PCDHA1: variants seen among roughly 807,000 people sequenced by gnomAD.
The protein encoded by PCDHA1 is protocadherin alpha 1, also known as protocadherin alpha-1.
Under a neutral mutation model 61.3 loss-of-function variants are expected in PCDHA1, and 42 were observed. The ratio of observed to expected loss-of-function variants is 0.69; its 90% confidence interval spans 0.54 to 0.89. The LOEUF (loss-of-function observed/expected upper bound fraction) is 0.89. Among genes scored for constraint, PCDHA1 ranks in the 40% least tolerant of loss-of-function variants. The pLI is 0.00. For synonymous variants in PCDHA1, 610 were observed against 553.8 expected (o/e 1.10, Z -1.43); for missense variants, 1,256 against 1,235.3 (o/e 1.02, Z -0.25).
In PCDHA1 at chr5:140,868,769, A is replaced by G. The variant is rs144958028; in HGVS notation, c.2394+80085A>G. 95 of 255,700 alleles carry G rather than the reference A, an allele frequency of 3.7e-4. No individual in the cohort carries two copies. In the Middle Eastern group the frequency reaches 9.0e-3, roughly 24 times the overall value. 15.8% of individuals were successfully genotyped at this position (255,700 alleles called of 1,614,324 possible). On this transcript the variant is annotated intron_variant, in intron 1 of 3. Coordinates refer to ENST00000504120, the MANE Select transcript of PCDHA1 (RefSeq NM_018900.4). ...CCATTTCCATATATATTTAGTTTCA[A>G]TATGACTTATAATCTGAATATTCCA... is the stretch of plus-strand genomic sequence containing the variant.
intron 1 of PCDHA1, chr5:140,877,232 C>A: frequency 6.2e-6 from 10 of 1,613,680 alleles, no homozygotes; most frequent in Non-Finnish European, 7.6e-6. Context: ...TCGGTGGGTG[C>A]GGGCCACGTG....
chr5:140,792,099 GT>G (rs1228101869), intron 1 of PCDHA1, among the ~76,000 whole-genome samples: 1 of 152,100 alleles, frequency 6.6e-6, no homozygotes, highest in East Asian at 1.9e-4. Context: ...AAATCAGCGT[GT>G]TTCCTGGGCC....
intron 1 of PCDHA1, among the ~76,000 whole-genome samples, chr5:140,819,566 TAGA>T (rs1554127716): frequency 6.6e-6 from 1 of 152,136 alleles, no homozygotes; most frequent in Non-Finnish European, 1.5e-5. Context: ...GAAAATAGCT[TAGA>T]AGAAGATTTT....
At position 140,969,448 on chromosome 5, in the gene PCDHA1, G is replaced by A. The variant is rs781843317; in HGVS notation, c.2395-9501G>A. 468 of 1,537,938 alleles carry A rather than the reference G, an allele frequency of 3.0e-4. 1 individual carries two copies. Among genetic ancestry groups the A allele is most frequent in the Non-Finnish European group, 4.0e-4 (459 of 1,139,778 alleles). On this transcript the variant is annotated intron_variant, in intron 1 of 3. Coordinates refer to ENST00000504120, the MANE Select transcript of PCDHA1 (RefSeq NM_018900.4). ...AGTGACAAGAGTTATCTGGTAAACT[G>A]AGTATATATAGTATCCACAATTTGA...
chr5:140,940,029 C>T (rs1411990785), intron 1 of PCDHA1, among the ~76,000 whole-genome samples: 4 of 152,136 alleles, frequency 2.6e-5, no homozygotes, highest in East Asian at 1.9e-4. Flanking sequence ...TGTTTTAAGG[C>T]TATTTTATTT....
chr5:140,929,080 A>G, intron 1 of PCDHA1: 1 of 1,614,180 alleles, frequency 6.2e-7, no homozygotes, highest in Non-Finnish European at 8.5e-7. Context: ...GTATGGAAGT[A>G]AGATGGTTTC....
At chr5:140,875,815 C>T (rs782785462) in intron 1 of PCDHA1, 11 of 1,614,218 alleles carry the variant, frequency 6.8e-6, no homozygotes, top group Non-Finnish European at 9.3e-6. Flanking sequence ...CAGGCCGCTG[C>T]AGGTTTTCCA....
At chr5:140,878,371 G>A (rs543191231) in intron 1 of PCDHA1, among the ~76,000 whole-genome samples, 53 of 152,276 alleles carry the variant, frequency 3.5e-4, no homozygotes, top group Non-Finnish European at 6.5e-4. Flanking sequence ...TCTGACATAT[G>A]ATGAATGATT....
chr5:140,991,748 T>C (rs1192231997), intron 3 of PCDHA1, among the ~76,000 whole-genome samples: 4 of 152,224 alleles, frequency 2.6e-5, no homozygotes, highest in Non-Finnish European at 4.4e-5. Flanking sequence ...AGGCTCTTTC[T>C]ATCATGCTCT....
chr5:140,843,813 T>A, intron 1 of PCDHA1: 3 of 1,270,692 alleles, frequency 2.4e-6, no homozygotes, highest in Non-Finnish European at 3.3e-6. Flanking sequence ...TATTTTATAG[T>A]GAAAATTTAA....
chr5:140,800,177 G>A (rs1762517897), intron 1 of PCDHA1, among the ~76,000 whole-genome samples: 1 of 151,986 alleles, frequency 6.6e-6, no homozygotes, highest in African/African-American at 2.4e-5. Flanking sequence ...AAAGAGTGTG[G>A]AAAAATTAAA....
At chr5:140,848,789 G>A in intron 1 of PCDHA1, 1 of 1,593,198 alleles carries the variant, frequency 6.3e-7, no homozygotes, top group East Asian at 2.2e-5. Flanking sequence ...TGTGCGGGCG[G>A]AGCGCGGAGT....
At chr5:140,829,046 C>G (rs1182116205) in intron 1 of PCDHA1, 1 of 1,612,782 alleles carries the variant, frequency 6.2e-7, no homozygotes, top group African/African-American at 1.3e-5. Context: ...ATACAAAATC[C>G]TCATTGACGC....
chr5:140,974,720 C>T (rs1554236283), intron 1 of PCDHA1, among the ~76,000 whole-genome samples: 1 of 152,070 alleles, frequency 6.6e-6, no homozygotes, highest in African/African-American at 2.4e-5. Context: ...AAGCTGCTCT[C>T]GAACTCCTGT....
At chr5:140,985,981 C>T (rs966841419) in intron 3 of PCDHA1, among the ~76,000 whole-genome samples, 18 of 152,140 alleles carry the variant, frequency 1.2e-4, no homozygotes, top group Middle Eastern at 6.8e-3. Context: ...CCTCGTGATC[C>T]GCCCACCTCA....
At chr5:140,866,680 C>G (rs2049493628) in intron 1 of PCDHA1, 1 of 152,138 alleles carries the variant, frequency 6.6e-6, no homozygotes, top group South Asian at 2.1e-4. Context: ...AGCACTAGGT[C>G]TGTTAGAATA....
chr5:140,982,582 T>C lies in PCDHA1; in HGVS notation c.2542+19T>C. On this transcript the variant is annotated intron_variant, in intron 3 of 3. Transcript: ENST00000504120. ...ACACCAGGTAAAGAGCTGGGGTCTC[T>C]CCATTCTTTCTTGGTTTCTGGAAAG... 6.2e-7 allele frequency: 1 copy of C among 1,612,148 alleles called. No homozygotes were observed. Among genetic ancestry groups the C allele is most frequent in the Non-Finnish European group, 8.5e-7 (1 of 1,178,720 alleles).
At chr5:140,936,762 G>A (rs190223178) in intron 1 of PCDHA1, among the ~76,000 whole-genome samples, 224 of 152,210 alleles carry the variant, frequency 1.5e-3, no homozygotes, top group Non-Finnish European at 2.6e-3. Context: ...ATATCTAATT[G>A]TGTAAGTTCT....
chr5:140,914,427 T>C (rs2076707638), intron 1 of PCDHA1, among the ~76,000 whole-genome samples: 1 of 152,196 alleles, frequency 6.6e-6, no homozygotes, highest in African/African-American at 2.4e-5. Context: ...TAGCAAGGAA[T>C]ATCTTTTCCC....
Sources: allele counts gnomAD v4.1 joint callset (sites outside exome capture counted in the v4.1 genomes callset), GRCh38; gene constraint gnomAD v4.1.1; transcripts MANE v1.5; gene names NCBI Gene and HGNC (gene_info 2026-07-23, HGNC 2026-07-21).